Variants in ZNF536 observed in about 807,000 individuals in gnomAD.
ZNF536 encodes the protein zinc finger protein 536.
In ZNF536, 13 loss-of-function variants were observed where a neutral mutation model predicts 84.5. The ratio of observed to expected loss-of-function variants is 0.15; its 90% confidence interval spans 0.10 to 0.24. ZNF536 has a LOEUF of 0.24. ZNF536 is among the 10% of genes least tolerant of loss of function. ZNF536 has a pLI of 1.00. For synonymous variants in ZNF536, 811 were observed against 742.5 expected (o/e 1.09, Z -1.50); for missense variants, 1,536 against 1,747.5 (o/e 0.88, Z 2.16).
intron 3 of ZNF536, among the ~76,000 whole-genome samples, chr19:30,356,195 C>T (rs953096018): frequency 2.0e-5 from 3 of 152,252 alleles, no homozygotes; most frequent in Non-Finnish European, 4.4e-5. Context: ...GTCCAGCCTT[C>T]TATAGCTTTA....
At chr19:30,571,995 A>G (rs994835015) in intron 1 of ZNF536, among the ~76,000 whole-genome samples, 1 of 152,088 alleles carries the variant, frequency 6.6e-6, no homozygotes, top group African/African-American at 2.4e-5. Context: ...ACATCCAAGC[A>G]AGGAAGGTGT....
At chr19:30,700,348 CTCCT>C (rs570616765) in intron 1 of ZNF536, among the ~76,000 whole-genome samples, 106 of 145,778 alleles carry the variant, frequency 7.3e-4, no homozygotes, top group Admixed American at 1.6e-3. Flanking sequence ...TCCCTCCCCC[CTCCT>C]TCCTTCCTTC....
At chr19:30,415,576 GATC>G in intron 1 of ZNF536, among the ~76,000 whole-genome samples, 1 of 139,308 alleles carries the variant, frequency 7.2e-6, no homozygotes, top group African/African-American at 2.6e-5. Context: ...AAATCATCAT[GATC>G]ATCATCATCG....
At chr19:30,318,718 A>G (rs1421873877) in intron 2 of ZNF536, among the ~76,000 whole-genome samples, 1 of 152,058 alleles carries the variant, frequency 6.6e-6, no homozygotes, top group Non-Finnish European at 1.5e-5. Flanking sequence ...TTGCATGTAT[A>G]TGTCTCTCTT....
chr19:30,633,829 C>G (rs2048973191), intron 1 of ZNF536, among the ~76,000 whole-genome samples: 1 of 152,088 alleles, frequency 6.6e-6, no homozygotes, highest in Non-Finnish European at 1.5e-5. Context: ...CTGCCTCGGC[C>G]TCCCAAAATG....
At chr19:30,515,087 CA>C (rs2055579764) in intron 2 of ZNF536, among the ~76,000 whole-genome samples, 1 of 152,050 alleles carries the variant, frequency 6.6e-6, no homozygotes, top group African/African-American at 2.4e-5. Flanking sequence ...CCCATCTCTA[CA>C]AAAAACACCA....
At chr19:30,708,373 A>G (rs1018122595) in intron 1 of ZNF536, among the ~76,000 whole-genome samples, 1 of 152,228 alleles carries the variant, frequency 6.6e-6, no homozygotes, top group Non-Finnish European at 1.5e-5. Context: ...TGGTGTGGGC[A>G]AAAGGGGTTG....
intron 3 of ZNF536, among the ~76,000 whole-genome samples, chr19:30,367,238 G>A (rs1256311417): frequency 1.3e-5 from 2 of 152,188 alleles, no homozygotes; most frequent in Non-Finnish European, 2.9e-5. Flanking sequence ...CAGGGTTGGA[G>A]GGTGGGAGGG....
chr19:30,509,924 A>T (rs553395081), intron 2 of ZNF536, among the ~76,000 whole-genome samples: 1 of 152,342 alleles, frequency 6.6e-6, no homozygotes, highest in African/African-American at 2.4e-5. Context: ...TGTGGTGGGT[A>T]GTGCATGGCA....
chr19:30,598,037 T>C (rs1323009676), intron 1 of ZNF536, among the ~76,000 whole-genome samples: 1 of 152,232 alleles, frequency 6.6e-6, no homozygotes, highest in African/African-American at 2.4e-5. Context: ...ATGGTGTTGT[T>C]GTATGCACAT....
intron 2 of ZNF536, among the ~76,000 whole-genome samples, chr19:30,290,610 T>G (rs576473274): frequency 9.9e-5 from 15 of 152,246 alleles, no homozygotes; most frequent in Non-Finnish European, 2.1e-4. Flanking sequence ...AATAGACACT[T>G]GGGCTGCTTC....
At chr19:30,520,905 A>T (rs940094464) in intron 2 of ZNF536, among the ~76,000 whole-genome samples, 3 of 152,238 alleles carry the variant, frequency 2.0e-5, no homozygotes, top group Non-Finnish European at 2.9e-5. Flanking sequence ...TTACAAACAC[A>T]CAGCTCGGAA....
chr19:30,623,040 G>T (rs1045436922), intron 1 of ZNF536, among the ~76,000 whole-genome samples: 2,450 of 97,586 alleles, frequency 0.025, 79 homozygotes, highest in African/African-American at 0.069. Flanking sequence ...TTGTTTTTTT[G>T]TTTTTTTGTT....
chr19:30,670,706 G>C (rs1315885459), intron 1 of ZNF536, among the ~76,000 whole-genome samples: 1 of 152,206 alleles, frequency 6.6e-6, no homozygotes, highest in African/African-American at 2.4e-5. Flanking sequence ...TCCTTCCCCA[G>C]AGACGCCTTT....
At chr19:30,636,871 G>A (rs772967193) in intron 1 of ZNF536, among the ~76,000 whole-genome samples, 3 of 152,222 alleles carry the variant, frequency 2.0e-5, no homozygotes, top group Admixed American at 6.5e-5. Flanking sequence ...TCTCCTGTGC[G>A]TTCTGGCTAC....
chr19:30,520,312 G>A (rs1004100773), intron 2 of ZNF536, among the ~76,000 whole-genome samples: 11 of 152,162 alleles, frequency 7.2e-5, no homozygotes, highest in African/African-American at 1.2e-4. Flanking sequence ...GGGGCTTCCC[G>A]GGTGCAAGCC....
At chr19:30,351,610 T>G (rs2047933082) in intron 2 of ZNF536, among the ~76,000 whole-genome samples, 1 of 152,138 alleles carries the variant, frequency 6.6e-6, no homozygotes, top group Non-Finnish European at 1.5e-5. Context: ...ATATCTTGAG[T>G]GATGGCTGCT....
intron 2 of ZNF536, among the ~76,000 whole-genome samples, chr19:30,500,328 G>A (rs1388610047): frequency 6.6e-6 from 1 of 151,962 alleles, no homozygotes; most frequent in Admixed American, 6.6e-5. Context: ...GCTCACTCCT[G>A]TGTCTAGAAT....
intron 1 of ZNF536, among the ~76,000 whole-genome samples, chr19:30,699,522 G>C (rs1272920737): frequency 6.6e-6 from 1 of 152,070 alleles, no homozygotes; most frequent in Admixed American, 6.6e-5. Context: ...TAGCATCTTT[G>C]ATGAGATGGA....
Sources: gnomAD v4.1 joint callset for allele counts (sites outside exome capture counted in the v4.1 genomes callset) on GRCh38, gnomAD v4.1.1 for gene constraint, MANE v1.5 for transcripts, NCBI Gene and HGNC (gene_info 2026-07-23, HGNC 2026-07-21) for gene names.